Variants in SPATA17 observed in about 807,000 individuals in gnomAD.
SPATA17 encodes spermatogenesis associated 17, also known as spermatogenesis-associated protein 17.
In SPATA17, 53 loss-of-function variants were observed where a neutral mutation model predicts 62.2. The observed-to-expected ratio is 0.85, with a 90% CI of 0.68 to 1.07. SPATA17 has a LOEUF of 1.07. Among genes scored for constraint, SPATA17 ranks in the 50% least tolerant of loss-of-function variants. The pLI, the probability that SPATA17 is intolerant of heterozygous loss-of-function variation, is 0.00. For synonymous variants in SPATA17, 146 were observed against 146.8 expected, an observed-to-expected ratio of 0.99 and a Z score of 0.04; for missense variants, 466 against 425.5, an observed-to-expected ratio of 1.10 and a Z score of -0.84.
chr1:217,689,344 G>A (rs1397731719), intron 5 of SPATA17, among the ~76,000 whole-genome samples: 20 of 147,396 alleles, frequency 1.4e-4, no homozygotes. Flanking sequence ...TCCTGCCTCA[G>A]CTTCCCGAGT....
chr1:217,735,183 G>T (rs540655194), intron 5 of SPATA17, among the ~76,000 whole-genome samples: 1 of 152,298 alleles, frequency 6.6e-6, no homozygotes, highest in Non-Finnish European at 1.5e-5. Context: ...CTTCAGGACC[G>T]GTCTTAGTCA....
chr1:217,760,329 A>G (rs1362427796), intron 6 of SPATA17, among the ~76,000 whole-genome samples: 1 of 152,218 alleles, frequency 6.6e-6, no homozygotes, highest in Non-Finnish European at 1.5e-5. Context: ...CTAAAAATAT[A>G]CAATTTTATT....
chr1:217,664,192 A>AG (rs1410645686), intron 3 of SPATA17, among the ~76,000 whole-genome samples: 1 of 151,352 alleles, frequency 6.6e-6, no homozygotes. Flanking sequence ...TTGTGAGATT[A>AG]GGGAATTGAA....
intron 8 of SPATA17, among the ~76,000 whole-genome samples, chr1:217,788,238 T>C (rs1673913663): frequency 6.6e-6 from 1 of 152,220 alleles, no homozygotes; most frequent in Admixed American, 6.5e-5. Context: ...ATATCTTCTG[T>C]TAATTGTAAA....
At position 217,868,037 on chromosome 1, in the gene SPATA17, AG is replaced by A. The variant is rs1472249596; in HGVS notation, c.*1022del. The A allele has an allele frequency of 2.6e-5, 4 of 152,116 alleles. No individual in the cohort carries two copies. The highest frequency in any genetic ancestry group is 9.6e-5 in the African/African-American group (4 of 41,454). The allele number at this position is 152,116 out of a possible 1,614,324, so 9.4% of individuals were successfully genotyped here. A position where few individuals can be genotyped will look rare whatever the true frequency, so the allele number is the denominator to read the frequency against. ...CTTCAACAAATAAATTACAAAACTGAGGGGAAAAAAAGGAACCTATTAAAAA... is the reference window on the plus strand; with the variant it reads ...CTTCAACAAATAAATTACAAAACTGAGGGAAAAAAAGGAACCTATTAAAAA... On this transcript the variant is annotated 3_prime_UTR_variant, in exon 11 of 11. Transcript: ENST00000366933.
chr1:217,642,468 T>G (rs1293164104), intron 1 of SPATA17, among the ~76,000 whole-genome samples: 1 of 152,196 alleles, frequency 6.6e-6, no homozygotes, highest in Non-Finnish European at 1.5e-5. Context: ...TCTAATGCTT[T>G]CCTTGCTTTT....
chr1:217,826,650 T>G (rs888035601), intron 9 of SPATA17, among the ~76,000 whole-genome samples: 1 of 152,082 alleles, frequency 6.6e-6, no homozygotes, highest in African/African-American at 2.4e-5. Context: ...ATAACTAACT[T>G]CTAAATATGA....
intron 5 of SPATA17, among the ~76,000 whole-genome samples, chr1:217,687,835 C>T (rs1161188432): frequency 2.6e-5 from 4 of 152,056 alleles, no homozygotes; most frequent in Non-Finnish European, 4.4e-5. Context: ...TTTTCTTACC[C>T]GAGCTAAGTT....
At chr1:217,756,102 A>G (rs566827679) in intron 6 of SPATA17, among the ~76,000 whole-genome samples, 1 of 152,282 alleles carries the variant, frequency 6.6e-6, no homozygotes, top group South Asian at 2.1e-4. Context: ...TAGGCTCACA[A>G]GTAATATCGA....
chr1:217,720,787 A>C (rs1256676735), intron 5 of SPATA17, among the ~76,000 whole-genome samples: 3 of 152,190 alleles, frequency 2.0e-5, no homozygotes, highest in African/African-American at 7.2e-5. Flanking sequence ...CTCTAGGCCT[A>C]AGGAAGAGAA....
At chr1:217,818,875 C>A (rs1367783120) in intron 9 of SPATA17, among the ~76,000 whole-genome samples, 2 of 121,938 alleles carry the variant, frequency 1.6e-5, no homozygotes, top group Non-Finnish European at 1.7e-5. Flanking sequence ...TTACTTATTT[C>A]ATTTTCCTTT....
intron 9 of SPATA17, among the ~76,000 whole-genome samples, chr1:217,842,615 C>T (rs1056223239): frequency 6.6e-6 from 1 of 151,818 alleles, no homozygotes; most frequent in African/African-American, 2.4e-5. Flanking sequence ...AATTCGATAG[C>T]ATATGCAGTG....
intron 9 of SPATA17, among the ~76,000 whole-genome samples, chr1:217,822,900 A>G (rs1674902259): frequency 6.6e-6 from 1 of 151,578 alleles, no homozygotes; most frequent in Admixed American, 6.6e-5. Context: ...CTTTAAATAT[A>G]TGATGTTATA....
Position 217,705,877 on chromosome 1 carries a change from T to C in SPATA17, c.395+22516T>C, listed in dbSNP as rs954187668. Among the ~76,000 whole-genome samples, 26 of 152,248 alleles carry C rather than the reference T, an allele frequency of 1.7e-4. 1 individual carries two copies. Among genetic ancestry groups the C allele is most frequent in the African/African-American group, 6.3e-4 (26 of 41,466 alleles). On this transcript the variant is annotated intron_variant, in intron 5 of 10. Coordinates refer to ENST00000366933, the MANE Select transcript of SPATA17 (RefSeq NM_138796.4). Reference sequence around the variant, plus strand: ...GTTTTAGGTTTTACATTTAAGTCTTTAATCCATCTTGAGTTGATTTTTATG... The same window carrying C: ...GTTTTAGGTTTTACATTTAAGTCTTCAATCCATCTTGAGTTGATTTTTATG...
At chr1:217,673,601 G>C (rs1340504435) in intron 4 of SPATA17, among the ~76,000 whole-genome samples, 5 of 152,068 alleles carry the variant, frequency 3.3e-5, no homozygotes, top group Non-Finnish European at 7.4e-5. Context: ...GCCATGAGCT[G>C]ATTCAGTTGC....
At chr1:217,750,487 T>A (rs1672879591) in intron 6 of SPATA17, among the ~76,000 whole-genome samples, 1 of 152,178 alleles carries the variant, frequency 6.6e-6, no homozygotes, top group African/African-American at 2.4e-5. Context: ...TTGTGTCATT[T>A]TGCTTAGAGT....
At chr1:217,804,616 G>A (rs946445112) in intron 9 of SPATA17, among the ~76,000 whole-genome samples, 4 of 151,788 alleles carry the variant, frequency 2.6e-5, no homozygotes, top group Admixed American at 6.6e-5. Flanking sequence ...TATGGAATAG[G>A]AAAAAAAATT....
chr1:217,825,155 A>C (rs114041148), intron 9 of SPATA17, among the ~76,000 whole-genome samples: 1 of 151,722 alleles, frequency 6.6e-6, no homozygotes, highest in South Asian at 2.1e-4. Context: ...ATATGCAGTA[A>C]AAGTATAGAG....
chr1:217,670,889 G>A (rs1321820508), intron 4 of SPATA17, among the ~76,000 whole-genome samples: 2 of 150,410 alleles, frequency 1.3e-5, no homozygotes, highest in African/African-American at 2.4e-5. Context: ...AGGCGGAAGT[G>A]GCAGTGAGCC....
Sources: allele counts gnomAD v4.1 joint callset (sites outside exome capture counted in the v4.1 genomes callset), GRCh38; gene constraint gnomAD v4.1.1; transcripts MANE v1.5; gene names NCBI Gene and HGNC (gene_info 2026-07-23, HGNC 2026-07-21).